EGF: variants seen among roughly 807,000 people sequenced by gnomAD.
EGF encodes the protein pro-epidermal growth factor.
In EGF, 95 loss-of-function variants were observed where a neutral mutation model predicts 143.8. The observed-to-expected ratio is 0.66, with a 90% CI of 0.56 to 0.78. EGF has a LOEUF of 0.78. Ranked by LOEUF, EGF falls within the 30% of genes least tolerant of loss-of-function variation. The pLI is 0.00. For missense variants in EGF, 1,320 were observed against 1,470.9 expected (o/e 0.90, Z 1.68); for synonymous variants, 510 against 510.5 (o/e 1.00, Z 0.01).
At chr4:109,941,409 T>G (rs985864574) in intron 2 of EGF, among the ~76,000 whole-genome samples, 1 of 152,156 alleles carries the variant, frequency 6.6e-6, no homozygotes, top group Non-Finnish European at 1.5e-5. Flanking sequence ...CAGATCACCA[T>G]TTTATGATTA....
rs1432478685 is a variant in EGF, at chr4:109,974,802, G to A, written c.1824G>A (p.Met608Ile). 1.9e-6 allele frequency: 3 copies of A among 1,611,728 alleles called. No homozygotes were observed. Among genetic ancestry groups the A allele is most frequent in the African/African-American group, 1.3e-5 (1 of 74,846 alleles). Residue 608 changes from methionine to isoleucine, a missense_variant, in exon 12 of 24, where the codon ATG (methionine) becomes ATA (isoleucine). This residue lies in a region of EGF where 1,186 missense variants were observed against 1,313.7 expected (regional missense o/e 0.90). Transcript: ENST00000265171. ...CACGAGGAATTGCTGTTCATCCAAT[G>A]GCCAAGTAGGTATTTGTAAAAATAA... ...SQPRGIAVHP[M>I]AKRLFWTDTG...
intron 1 of EGF, among the ~76,000 whole-genome samples, chr4:109,927,598 C>A (rs1024603508): frequency 3.3e-5 from 5 of 151,746 alleles, no homozygotes; most frequent in Non-Finnish European, 7.4e-5. Context: ...GTGGCGGGCG[C>A]TTGTGGTCCC....
intron 11 of EGF, among the ~76,000 whole-genome samples, chr4:109,974,243 T>G (rs1340142415): frequency 6.6e-6 from 1 of 152,180 alleles, no homozygotes; most frequent in African/African-American, 2.4e-5. Context: ...CCATTTGTCT[T>G]AGAATTAAAT....
intron 11 of EGF, among the ~76,000 whole-genome samples, chr4:109,973,643 TC>T (rs1303606563): frequency 6.8e-6 from 1 of 147,960 alleles, no homozygotes; most frequent in Non-Finnish European, 1.5e-5. Context: ...TTTCTTCCCC[TC>T]CCCGTCCAGT....
chr4:110,000,208 G>GCCACT (rs1752383933), intron 21 of EGF, among the ~76,000 whole-genome samples: 1 of 142,798 alleles, frequency 7.0e-6, no homozygotes, highest in Non-Finnish European at 1.5e-5. Context: ...CCAAGATCAT[G>GCCACT]CCACTCCACT....
chr4:109,926,615 C>A (rs1235937450), intron 1 of EGF, among the ~76,000 whole-genome samples: 1 of 152,120 alleles, frequency 6.6e-6, no homozygotes, highest in African/African-American at 2.4e-5. Context: ...CCTCGGACTC[C>A]CAAAGTGCTG....
chr4:109,980,335 A>T (rs1481324827), intron 14 of EGF, among the ~76,000 whole-genome samples, 196 bp downstream of exon 14: 1 of 152,130 alleles, frequency 6.6e-6, no homozygotes, highest in Non-Finnish European at 1.5e-5. Context: ...TTATCCCTCC[A>T]ATTTCACCTC....
chr4:109,994,685 G>A, intron 19 of EGF, 48 bp from the exon 20 acceptor site: 2 of 1,601,428 alleles, frequency 1.2e-6, no homozygotes, highest in South Asian at 2.2e-5. Context: ...ATACTTGAAA[G>A]ACACTAATCC....
At chr4:109,952,110 A>G (rs979426813) in intron 5 of EGF, among the ~76,000 whole-genome samples, 2 of 152,144 alleles carry the variant, frequency 1.3e-5, no homozygotes, top group African/African-American at 4.8e-5. Context: ...CCTGATACCT[A>G]CACTATTATA....
chr4:109,940,085 G>A (rs1386295117), intron 1 of EGF, among the ~76,000 whole-genome samples: 2 of 152,138 alleles, frequency 1.3e-5, no homozygotes, highest in Non-Finnish European at 2.9e-5. Context: ...TTAGTGGTGA[G>A]GTTTCCCAAG....
chr4:110,001,025 G>C (rs1249178587), intron 21 of EGF, among the ~76,000 whole-genome samples: 2 of 152,178 alleles, frequency 1.3e-5, no homozygotes, highest in Non-Finnish European at 2.9e-5. Context: ...CAACATATCA[G>C]CCAAGATGTA....
intron 13 of EGF, among the ~76,000 whole-genome samples, chr4:109,976,927 T>C (rs1339439091): frequency 6.6e-6 from 1 of 152,202 alleles, no homozygotes; most frequent in Non-Finnish European, 1.5e-5. Flanking sequence ...TGAATGTTCT[T>C]GCACATAAAA....
chr4:109,969,567 C>A (rs945790423), intron 11 of EGF, among the ~76,000 whole-genome samples: 1 of 151,708 alleles, frequency 6.6e-6, no homozygotes, highest in African/African-American at 2.4e-5. Flanking sequence ...TAAACCTGCA[C>A]GTTCTGCACA....
In EGF at chr4:110,013,474, T is replaced by A. The variant is rs1267556509; in HGVS notation, c.*2019T>A. ...TGGTCGGATTAAAGAAAAAACACAC[T>A]TTGTGTTTTTTAATCACCAAGGCAC... On this transcript the variant is annotated 3_prime_UTR_variant, in exon 24 of 24. Transcript: ENST00000265171. Among the ~76,000 whole-genome samples, 1 of 152,116 alleles carries A rather than the reference T, an allele frequency of 6.6e-6. No homozygotes were observed.
rs545965350 is a variant in EGF at position 109,928,460 on chromosome 4, A to G, written c.128-12486A>G. Among the ~76,000 whole-genome samples the G allele has an allele frequency of 2.0e-5, 3 of 152,262 alleles. No homozygotes were observed. In the South Asian group the frequency reaches 6.2e-4, roughly 32 times the overall value. Reference sequence around the variant, plus strand: ...TTAAGATAAGGGGTTGTGGAGACCAAGGTTTTATTATGCAGATGAAACCTC... The same window carrying G: ...TTAAGATAAGGGGTTGTGGAGACCAGGGTTTTATTATGCAGATGAAACCTC... On this transcript the variant is annotated intron_variant, in intron 1 of 23. Transcript: ENST00000265171.
intron 23 of EGF, among the ~76,000 whole-genome samples, chr4:110,009,153 C>T (rs930188278): frequency 1.3e-5 from 2 of 152,090 alleles, no homozygotes; most frequent in African/African-American, 4.8e-5. Flanking sequence ...TGCCATGAAA[C>T]CCCAAATACT....
chr4:109,921,090 C>T (rs911669044), intron 1 of EGF, among the ~76,000 whole-genome samples: 1 of 151,560 alleles, frequency 6.6e-6, no homozygotes, highest in Non-Finnish European at 1.5e-5. Flanking sequence ...ATCTTACTAT[C>T]TCTGAAAATG....
intron 1 of EGF, among the ~76,000 whole-genome samples, chr4:109,921,532 A>G (rs1737785041): frequency 6.6e-6 from 1 of 151,546 alleles, no homozygotes; most frequent in Admixed American, 6.6e-5. Context: ...GATTCATGGT[A>G]GGCACTAATT....
Position 109,913,122 on chromosome 4 carries a change from TC to T in EGF, c.-212del. 1.9e-6 allele frequency: 1 copy of T among 531,756 alleles called. No homozygotes were observed. Among genetic ancestry groups the T allele is most frequent in the Non-Finnish European group, 3.4e-6 (1 of 297,520 alleles). 32.9% of individuals were successfully genotyped at this position (531,756 alleles called of 1,614,324 possible). A position where few individuals can be genotyped will look rare whatever the true frequency, so the allele number is the denominator to read the frequency against. On this transcript the variant is annotated 5_prime_UTR_variant, in exon 1 of 24. Transcript: ENST00000265171. ...AAAGAAACATAGATAAAGAAATCTT[TC>T]CTGTGGCTTCCCTTGGCAGGCTGCA...
Sources: allele counts gnomAD v4.1 joint callset (sites outside exome capture counted in the v4.1 genomes callset), GRCh38; gene constraint gnomAD v4.1.1; regional missense constraint gnomAD v4.1.1; transcripts MANE v1.5; gene names NCBI Gene and HGNC (gene_info 2026-07-23, HGNC 2026-07-21).